The following IRF2 variants were observed in gnomAD, a reference collection of about 807,000 sequenced individuals.
The protein encoded by IRF2 is interferon regulatory factor 2.
Under a neutral mutation model 40.6 loss-of-function variants are expected in IRF2, and 15 were observed. The observed-to-expected ratio is 0.37, with a 90% CI of 0.25 to 0.57. The LOEUF is 0.57. IRF2 is among the 20% of genes least tolerant of loss of function. The pLI, the probability that IRF2 is intolerant of heterozygous loss-of-function variation, is 0.77. For missense variants in IRF2, 317 were observed against 455.7 expected (o/e 0.70, Z 2.77); for synonymous variants, 151 against 165.5 (o/e 0.91, Z 0.67).
At chr4:184,420,528 A>G (rs138975804) in intron 2 of IRF2, among the ~76,000 whole-genome samples, 2 of 152,344 alleles carry the variant, frequency 1.3e-5, no homozygotes, top group African/African-American at 4.8e-5. Flanking sequence ...TACAATCCTT[A>G]TATCAGACTA....
At chr4:184,395,431 A>AAG in intron 7 of IRF2, among the ~76,000 whole-genome samples, 1 of 151,024 alleles carries the variant, frequency 6.6e-6, no homozygotes, top group Non-Finnish European at 1.5e-5. Flanking sequence ...AAAAAAAAAA[A>AAG]AAAAGGTGGT....
chr4:184,435,984 C>CT (rs35816093), intron 1 of IRF2, among the ~76,000 whole-genome samples: 46,077 of 143,292 alleles, frequency 0.32, 7,682 homozygotes, highest in East Asian at 0.43. Context: ...TTTCTTTTTT[C>CT]TTTTTTTTTT....
At chr4:184,452,865 T>A (rs1360988875) in intron 1 of IRF2, among the ~76,000 whole-genome samples, 1 of 150,342 alleles carries the variant, frequency 6.7e-6, no homozygotes, top group Non-Finnish European at 1.5e-5. Context: ...TCTAGAATAG[T>A]GTTTTGCATC....
At chr4:184,469,216 G>GC (rs1436165728) in intron 1 of IRF2, among the ~76,000 whole-genome samples, 1 of 152,176 alleles carries the variant, frequency 6.6e-6, no homozygotes, top group Non-Finnish European at 1.5e-5. Context: ...GCCTCAGAAA[G>GC]CCTAACGGGA....
chr4:184,466,229 T>C (rs981292014), intron 1 of IRF2, among the ~76,000 whole-genome samples: 1 of 152,094 alleles, frequency 6.6e-6, no homozygotes, highest in Non-Finnish European at 1.5e-5. Context: ...TTTTGTATTT[T>C]TAGTAGAGAC....
At position 184,448,665 on chromosome 4, in the gene IRF2, C is replaced by G. The variant is rs3822120; in HGVS notation, c.-6-19595G>C. ...CTCAAAGTTAAGGTGGAAGAAAAAC[C>G]GCCAGAAGTGCCATCGCTGGGTCAC... On this transcript the variant is annotated intron_variant, in intron 1 of 8. Transcript: ENST00000393593. The surrounding 1 kb of genome is among the most constrained non-coding windows in gnomAD (Gnocchi z 4.3). 6.6e-6 allele frequency: 1 copy of G among 152,142 alleles called. No homozygotes were observed. Among genetic ancestry groups the G allele is most frequent in the East Asian group, 1.9e-4 (1 of 5,190 alleles). The allele number at this position is 152,142 out of a possible 1,614,324, so 9.4% of individuals were successfully genotyped here.
chr4:184,457,076 C>T (rs1045553509), intron 1 of IRF2, among the ~76,000 whole-genome samples: 3 of 152,224 alleles, frequency 2.0e-5, no homozygotes, highest in African/African-American at 7.2e-5. Flanking sequence ...GTTTGGTTAA[C>T]ACATGATACA....
intron 1 of IRF2, among the ~76,000 whole-genome samples, chr4:184,464,395 G>A (rs1739250686): frequency 6.6e-6 from 1 of 151,750 alleles, no homozygotes; most frequent in African/African-American, 2.4e-5. Context: ...GTATAGGATA[G>A]GGAATGTATG....
At chr4:184,454,770 C>T (rs1193566709) in intron 1 of IRF2, among the ~76,000 whole-genome samples, 2 of 152,196 alleles carry the variant, frequency 1.3e-5, no homozygotes, top group South Asian at 4.1e-4. Flanking sequence ...CCTTCAACTT[C>T]GCCAAGCCAT....
chr4:184,398,385 T>C (rs146589303), intron 7 of IRF2, among the ~76,000 whole-genome samples: 44 of 152,272 alleles, frequency 2.9e-4, no homozygotes, highest in African/African-American at 8.7e-4. Context: ...GGCCAGGCAC[T>C]GTGGGTCACA....
chr4:184,454,914 C>G (rs1329893215), intron 1 of IRF2, among the ~76,000 whole-genome samples: 1 of 152,120 alleles, frequency 6.6e-6, no homozygotes, highest in African/African-American at 2.4e-5. Context: ...TAAGACTTCC[C>G]CAAAGAAATT....
intron 1 of IRF2, among the ~76,000 whole-genome samples, chr4:184,434,065 T>C (rs1331240035): frequency 3.3e-5 from 5 of 152,230 alleles, no homozygotes; most frequent in African/African-American, 9.6e-5. Context: ...TTACTCGGTA[T>C]GTATCGTCTA....
At chr4:184,454,069 C>G (rs1738825558) in intron 1 of IRF2, among the ~76,000 whole-genome samples, 1 of 152,182 alleles carries the variant, frequency 6.6e-6, no homozygotes. Context: ...TCCCAAAAAC[C>G]AGTTGCCTGA....
At chr4:184,419,978 C>T (rs1421912100) in intron 2 of IRF2, among the ~76,000 whole-genome samples, 2 of 152,212 alleles carry the variant, frequency 1.3e-5, no homozygotes, top group Non-Finnish European at 2.9e-5. Context: ...AGAGATTCTC[C>T]CACCTCAGCC....
At chr4:184,417,055 A>C (rs1020687834) in intron 5 of IRF2, among the ~76,000 whole-genome samples, 17 of 152,208 alleles carry the variant, frequency 1.1e-4, no homozygotes, top group Admixed American at 1.0e-3. Context: ...TCAGTTTAAA[A>C]AAAATTAAAT....
chr4:184,442,777 G>A (rs563275105), intron 1 of IRF2, among the ~76,000 whole-genome samples: 19 of 151,194 alleles, frequency 1.3e-4, no homozygotes, highest in African/African-American at 4.1e-4. Context: ...CAAAAACCCT[G>A]TGCCCCAAAA....
intron 1 of IRF2, among the ~76,000 whole-genome samples, chr4:184,467,464 G>A (rs146376385): frequency 1.8e-4 from 27 of 152,284 alleles, no homozygotes; most frequent in Non-Finnish European, 3.5e-4. Context: ...TATCACCACT[G>A]TAATTTTTCT....
chr4:184,464,745 C>T (rs1739265032), intron 1 of IRF2, among the ~76,000 whole-genome samples: 1 of 152,164 alleles, frequency 6.6e-6, no homozygotes, highest in Non-Finnish European at 1.5e-5. Context: ...TTGGAGACAT[C>T]CCCAGGTTAC....
At chr4:184,473,331 C>A (rs1368254213) in intron 1 of IRF2, among the ~76,000 whole-genome samples, 1 of 149,236 alleles carries the variant, frequency 6.7e-6, no homozygotes, top group Non-Finnish European at 1.5e-5. Flanking sequence ...CCCGCCCCCA[C>A]CTCGCCCGCT....
Sources: allele counts gnomAD v4.1 joint callset (sites outside exome capture counted in the v4.1 genomes callset), GRCh38; gene constraint gnomAD v4.1.1; non-coding constraint Gnocchi (gnomAD v3.1); transcripts MANE v1.5; gene names NCBI Gene and HGNC (gene_info 2026-07-23, HGNC 2026-07-21).